Variants in YES1 observed in about 807,000 individuals in gnomAD.
YES1 encodes the protein YES proto-oncogene 1, Src family tyrosine kinase.
In YES1, 39 loss-of-function variants were observed where a neutral mutation model predicts 70.4. That is an observed-to-expected ratio of 0.55 (90% CI 0.43 to 0.72). The LOEUF (loss-of-function observed/expected upper bound fraction) is 0.72, where lower values mean the gene tolerates loss of function less well. Among genes scored for constraint, YES1 ranks in the 30% least tolerant of loss-of-function variants. The probability of loss-of-function intolerance (pLI) is 0.00; values close to 1 mark genes in which losing one functional copy is unlikely to be tolerated. For synonymous variants in YES1, 198 were observed against 218.6 expected (o/e 0.91, Z 0.83); for missense variants, 495 against 644.8 (o/e 0.77, Z 2.52).
Position 736,907 on chromosome 18 carries a change from G to A in YES1, c.1192C>T (p.Arg398Trp), listed in dbSNP as rs986350587. The A allele has an allele frequency of 2.5e-6, 4 of 1,612,140 alleles. No homozygotes were observed. Among genetic ancestry groups the A allele is most frequent in the Non-Finnish European group, 2.5e-6 (3 of 1,179,974 alleles). Residue 398 changes from arginine (R) to tryptophan (W), a missense_variant, in exon 10 of 12, where the codon CGG becomes TGG. By Grantham distance (101) the Arg-to-Trp change is moderately radical. Coordinates refer to ENST00000314574, the MANE Select transcript of YES1 (RefSeq NM_005433.4). ...TCTCCTACAAGAATATTAGCAGCCC[G>A]AAGATCTCGGTGAATATAGTTCATT... ...ERMNYIHRDL[R>W]AANILVGENL...
Position 812,212 on chromosome 18 carries a change from T to C in YES1, c.-107A>G, listed in dbSNP as rs1261793964. The C allele has an allele frequency of 6.6e-6, 1 of 150,884 alleles. No individual in the cohort carries two copies. The highest frequency in any genetic ancestry group is 2.0e-4 in the East Asian group (1 of 4,940). The allele number at this position is 150,884 out of a possible 1,614,324, so 9.3% of individuals were successfully genotyped here. On this transcript the variant is annotated 5_prime_UTR_variant, in exon 1 of 12. Transcript: ENST00000314574. ...CGGGCCCTCTCCCTCCTCCACCTCC[T>C]CGTCCCGGGGCGCCCGGCGGCAGCA...
At chr18:784,800 T>G (rs947819539) in intron 1 of YES1, among the ~76,000 whole-genome samples, 1 of 152,218 alleles carries the variant, frequency 6.6e-6, no homozygotes. Flanking sequence ...CCTACCTGGA[T>G]AAGCCAGGAT....
intron 2 of YES1, among the ~76,000 whole-genome samples, chr18:752,934 C>T (rs2080360686): frequency 6.6e-6 from 1 of 151,986 alleles, no homozygotes. Context: ...CACAGCAAGA[C>T]TCTGTATCAA....
chr18:728,774 T>C (rs115421340), intron 11 of YES1, among the ~76,000 whole-genome samples: 5,804 of 152,272 alleles, frequency 0.038, 144 homozygotes, highest in East Asian at 0.11. Context: ...TCCACTGGCC[T>C]CGACCTCCCA....
rs542341078 is a variant in YES1, at chr18:769,976, G to A, written c.-8-13141C>T. 1.8e-4 allele frequency among the ~76,000 whole-genome samples: 26 copies of A among 145,148 alleles called. 1 individual carries two copies. The highest frequency in any genetic ancestry group is 1.3e-3 in the South Asian group (6 of 4,610). ...CCTGTTCTTTTTTTTTTTTTGAGACGGAGTCTTGCTCTATCGCCCAGACTG... is the reference window on the plus strand; with the variant it reads ...CCTGTTCTTTTTTTTTTTTTGAGACAGAGTCTTGCTCTATCGCCCAGACTG... On this transcript the variant is annotated intron_variant, in intron 1 of 11. Coordinates refer to ENST00000314574, the MANE Select transcript of YES1 (RefSeq NM_005433.4).
chr18:792,565 A>ATGTGTG (rs71174292), intron 1 of YES1, among the ~76,000 whole-genome samples: 1 of 147,006 alleles, frequency 6.8e-6, no homozygotes, highest in South Asian at 2.2e-4. Flanking sequence ...CCCTCTGTAT[A>ATGTGTG]TGTGTGTGTG....
rs1378154488 is a variant in YES1 at position 803,211 on chromosome 18, G to A, written c.-9+8903C>T. ...GGTTTTGCCACTTCATTCCAGCCTGGGTGTCAGAGTGAGACTCCGTCTCAA... is the reference window on the plus strand; with the variant it reads ...GGTTTTGCCACTTCATTCCAGCCTGAGTGTCAGAGTGAGACTCCGTCTCAA... On this transcript the variant is annotated intron_variant, in intron 1 of 11. Transcript: ENST00000314574. Among the ~76,000 whole-genome samples the A allele has an allele frequency of 2.6e-5, 4 of 152,296 alleles. No individual in the cohort carries two copies. The East Asian group carries it at 5.8e-4, about 22-fold the overall frequency.
intron 1 of YES1, among the ~76,000 whole-genome samples, chr18:768,610 C>G (rs1340637661): frequency 6.6e-6 from 1 of 152,112 alleles, no homozygotes; most frequent in African/African-American, 2.4e-5. Context: ...ACATTTTGGT[C>G]AAGGAGGGAC....
intron 1 of YES1, among the ~76,000 whole-genome samples, chr18:773,991 C>T (rs1471225185): frequency 6.6e-6 from 1 of 152,040 alleles, no homozygotes; most frequent in Non-Finnish European, 1.5e-5. Flanking sequence ...ACCATCTTGC[C>T]CGGCTAATTT....
At chr18:743,884 T>C (rs2080244534) in intron 6 of YES1, among the ~76,000 whole-genome samples, 1 of 150,030 alleles carries the variant, frequency 6.7e-6, no homozygotes, top group Non-Finnish European at 1.5e-5. Context: ...CTAGCCTGGG[T>C]GACACAGTGA....
rs777763921 is a variant in YES1 at position 743,252 on chromosome 18, C to G, written c.880+8G>C. On this transcript the variant is annotated splice_region_variant and intron_variant, in intron 7 of 11. Transcript: ENST00000314574. ...CAATGACAGAAAACAAAAATTCAGGCTTCTTACCCATCCACACTTCGCCGA... is the reference window on the plus strand; with the variant it reads ...CAATGACAGAAAACAAAAATTCAGGGTTCTTACCCATCCACACTTCGCCGA... 1.9e-6 allele frequency: 3 copies of G among 1,608,600 alleles called. No individual in the cohort carries two copies. The East Asian group carries it at 6.7e-5, about 36-fold the overall frequency.
intron 10 of YES1, 134 bp downstream of exon 10, chr18:736,674 T>G: frequency 1.7e-6 from 2 of 1,205,990 alleles, no homozygotes; most frequent in Non-Finnish European, 2.2e-6. Context: ...CATGATTTTA[T>G]GAATGAAATC....
chr18:808,802 C>G (rs1294386136), intron 1 of YES1, among the ~76,000 whole-genome samples: 1 of 152,222 alleles, frequency 6.6e-6, no homozygotes, highest in African/African-American at 2.4e-5. Context: ...CAATGATTCT[C>G]TGCATTTCTG....
intron 10 of YES1, among the ~76,000 whole-genome samples, chr18:734,554 T>C (rs2080129845): frequency 1.3e-5 from 2 of 151,244 alleles, no homozygotes; most frequent in Admixed American, 1.3e-4. Flanking sequence ...AGACTCCATC[T>C]CAAAAACAAA....
At position 743,275 on chromosome 18, in the gene YES1, C is replaced by T. The variant is rs759600003; in HGVS notation, c.865G>A (p.Gly289Ser). ...GGCTTCTTACCCATCCACACTTCGC[C>T]GAAACATCCTTGTCCTAGTTTAACC... ...LEVKLGQGCF[G>S]EVWMGTWNGT... The change falls in exon 7 of 12, where the codon GGC (glycine) becomes AGC (serine). Residue 289 changes from glycine to serine, a missense_variant. Gly to Ser is a moderately conservative substitution (Grantham distance 56). This residue lies in a region of YES1 where 385 missense variants were observed against 540.9 expected (regional missense o/e 0.71). Transcript: ENST00000314574. 3.7e-6 allele frequency: 6 copies of T among 1,611,374 alleles called. No homozygotes were observed. Among genetic ancestry groups the T allele is most frequent in the East Asian group, 2.2e-5 (1 of 44,868 alleles).
At chr18:771,537 CT>C (rs1905157480) in intron 1 of YES1, among the ~76,000 whole-genome samples, 1 of 152,044 alleles carries the variant, frequency 6.6e-6, no homozygotes, top group Admixed American at 6.6e-5. Context: ...TGGCATTTTT[CT>C]TTTACATTTC....
Position 724,336 on chromosome 18 carries a change from A to C in YES1, c.*88T>G. ...ACCATTAAAAACATGCAGAGTAAAG[A>C]AGATTTTCTTCTTTTGATTCCTGTA... On this transcript the variant is annotated 3_prime_UTR_variant, in exon 12 of 12. Coordinates refer to ENST00000314574, the MANE Select transcript of YES1 (RefSeq NM_005433.4). 1 of 1,271,858 alleles carries C rather than the reference A, an allele frequency of 7.9e-7. No homozygotes were observed. Among genetic ancestry groups the C allele is most frequent in the Non-Finnish European group, 1.1e-6 (1 of 915,904 alleles). The allele number at this position is 1,271,858 out of a possible 1,614,324, so 78.8% of individuals were successfully genotyped here.
At chr18:804,369 A>C (rs1906976866) in intron 1 of YES1, among the ~76,000 whole-genome samples, 1 of 152,190 alleles carries the variant, frequency 6.6e-6, no homozygotes, top group African/African-American at 2.4e-5. Flanking sequence ...ATACTTTGGG[A>C]GGCCAAGGCA....
chr18:780,891 C>G (rs1423478939), intron 1 of YES1, among the ~76,000 whole-genome samples: 2 of 152,124 alleles, frequency 1.3e-5, no homozygotes, highest in Non-Finnish European at 2.9e-5. Flanking sequence ...TTTGTGTTCT[C>G]TAGAAAAGAA....
Sources: allele counts gnomAD v4.1 joint callset (sites outside exome capture counted in the v4.1 genomes callset), GRCh38; gene constraint gnomAD v4.1.1; regional missense constraint gnomAD v4.1.1; transcripts MANE v1.5; gene names NCBI Gene and HGNC (gene_info 2026-07-23, HGNC 2026-07-21).